LDLRAD4: variants seen among roughly 807,000 people sequenced by gnomAD.
LDLRAD4 encodes low-density lipoprotein receptor class A domain-containing protein 4.
In LDLRAD4, 5 loss-of-function variants were observed where a neutral mutation model predicts 17.0. That is an observed-to-expected ratio of 0.29 (90% CI 0.15 to 0.62). The LOEUF (loss-of-function observed/expected upper bound fraction) is 0.62, where lower values mean the gene tolerates loss of function less well. Among genes scored for constraint, LDLRAD4 ranks in the 20% least tolerant of loss-of-function variants. The pLI is 0.84. For missense variants in LDLRAD4, 340 were observed against 424.7 expected, an observed-to-expected ratio of 0.80 and a Z score of 1.75; for synonymous variants, 168 against 171.8, an observed-to-expected ratio of 0.98 and a Z score of 0.17.
intron 1 of LDLRAD4, among the ~76,000 whole-genome samples, chr18:13,228,703 T>TA (rs1040640719): frequency 2.0e-5 from 3 of 152,178 alleles, no homozygotes; most frequent in African/African-American, 7.2e-5. Context: ...AAAAAAATGT[T>TA]AAAAAATTGT....
chr18:13,390,656 CAAA>C (rs57932704), intron 2 of LDLRAD4, among the ~76,000 whole-genome samples: 9 of 144,928 alleles, frequency 6.2e-5, no homozygotes, highest in African/African-American at 2.0e-4. Context: ...GGTCATGTCT[CAAA>C]AAAAAAAAAT....
chr18:13,552,439 A>G (rs925965115), intron 3 of LDLRAD4, among the ~76,000 whole-genome samples: 1 of 152,170 alleles, frequency 6.6e-6, no homozygotes, highest in Non-Finnish European at 1.5e-5. Flanking sequence ...ACAGTGCACT[A>G]TCTCTAGACC....
chr18:13,465,628 A>G (rs1030165372), intron 3 of LDLRAD4, among the ~76,000 whole-genome samples: 6 of 152,206 alleles, frequency 3.9e-5, no homozygotes, highest in African/African-American at 1.4e-4. Context: ...CACAACACCT[A>G]CAAACCATAC....
chr18:13,389,364 T>C (rs944601168), intron 2 of LDLRAD4, among the ~76,000 whole-genome samples: 1 of 151,722 alleles, frequency 6.6e-6, no homozygotes, highest in Non-Finnish European at 1.5e-5. Flanking sequence ...AGCTCCCTCG[T>C]GGATACCCCT....
Position 13,286,858 on chromosome 18 carries a change from C to T in LDLRAD4, c.-383+8670C>T, listed in dbSNP as rs1003817678. ...AGAAGAGGCCTGGGGTGGAGGGATC[C>T]GTGCGCCGATTGTGTTGGTAGCTGG... On this transcript the variant is annotated intron_variant, in intron 1 of 5. Transcript: ENST00000359446. 3.9e-5 allele frequency among the ~76,000 whole-genome samples: 6 copies of T among 152,052 alleles called. No homozygotes were observed. In the East Asian group the frequency reaches 7.7e-4, roughly 20 times the overall value.
Position 13,639,658 on chromosome 18 carries a change from C to T in LDLRAD4, c.337-3701C>T, listed in dbSNP as rs542903198. On this transcript the variant is annotated intron_variant, in intron 4 of 5. Transcript: ENST00000359446. ...CACAGAGCTGGAATGCCAGCCTTCT[C>T]GGGTTTTGGCCTCAAGCTCTTCCAC... Among the ~76,000 whole-genome samples, 5 of 152,262 alleles carry T rather than the reference C, an allele frequency of 3.3e-5. No homozygotes were observed. In the East Asian group the frequency reaches 9.6e-4, roughly 29 times the overall value.
At chr18:13,381,679 C>CA in intron 1 of LDLRAD4, among the ~76,000 whole-genome samples, 1 of 152,340 alleles carries the variant, frequency 6.6e-6, no homozygotes, top group East Asian at 1.9e-4. Flanking sequence ...CTGAGGCACT[C>CA]ACATGGAGAC....
Position 13,480,835 on chromosome 18 carries a change from A to T in LDLRAD4, c.181+42451A>T, listed in dbSNP as rs1356916372. 3.3e-5 allele frequency among the ~76,000 whole-genome samples: 5 copies of T among 152,248 alleles called. No individual in the cohort carries two copies. In the East Asian group the frequency reaches 5.8e-4, roughly 18 times the overall value. ...ATGTTAGAAATAAGTGACCTGGAGT[A>T]GGAAGTGGAAGGTCATCCAGCCTCA... On this transcript the variant is annotated intron_variant, in intron 3 of 5. Coordinates refer to ENST00000359446, the Ensembl canonical transcript of LDLRAD4.
chr18:13,438,409 G>A lies in LDLRAD4; in HGVS notation c.181+25G>A, dbSNP rs767297877. 3.7e-6 allele frequency: 6 copies of A among 1,609,646 alleles called. No homozygotes were observed. The South Asian group carries it at 6.6e-5, about 18-fold the overall frequency. On this transcript the variant is annotated intron_variant, in intron 3 of 5. Transcript: ENST00000359446. The stretch of plus-strand genomic sequence containing the variant: ...TGTAAGTCTCTCCTCCCACCTGGGT[G>A]GCACTGTCTGATGTGGTTCTGAAAC...
intron 3 of LDLRAD4, among the ~76,000 whole-genome samples, chr18:13,532,847 C>T (rs924695101): frequency 3.3e-5 from 5 of 152,180 alleles, no homozygotes; most frequent in Admixed American, 1.3e-4. Context: ...CCTGGCCCTG[C>T]GCCTTCCGTC....
In LDLRAD4 at chr18:13,616,980, A is replaced by G. The variant is rs80215181; in HGVS notation, c.182-4137A>G. ...GATGCACCTGCCACGGCTGGGCATG[A>G]CTCATATTTGGAGCCTCAGGGCAAC... On this transcript the variant is annotated intron_variant, in intron 3 of 5. Coordinates refer to ENST00000359446, the Ensembl canonical transcript of LDLRAD4. Among the ~76,000 whole-genome samples the G allele has an allele frequency of 1.0e-3, 153 of 152,218 alleles. 3 individuals are homozygous for G. In the East Asian group the frequency reaches 0.021, roughly 21 times the overall value.
intron 3 of LDLRAD4, among the ~76,000 whole-genome samples, chr18:13,478,982 A>G (rs1422186583): frequency 6.6e-6 from 1 of 152,266 alleles, no homozygotes; most frequent in Non-Finnish European, 1.5e-5. Context: ...AATATGGCCT[A>G]TGAATCTTGA....
At chr18:13,590,620 A>G (rs1022490051) in intron 3 of LDLRAD4, among the ~76,000 whole-genome samples, 2 of 152,140 alleles carry the variant, frequency 1.3e-5, no homozygotes, top group African/African-American at 4.8e-5. Flanking sequence ...AAACAATTTA[A>G]CCCAAAACCA....
chr18:13,437,098 T>C (rs1162610186), intron 2 of LDLRAD4, among the ~76,000 whole-genome samples: 1 of 152,254 alleles, frequency 6.6e-6, no homozygotes, highest in East Asian at 1.9e-4. Flanking sequence ...GAAGAGGCCT[T>C]GGTGTGCCGA....
At chr18:13,579,786 A>G (rs776017489) in intron 3 of LDLRAD4, among the ~76,000 whole-genome samples, 2 of 152,198 alleles carry the variant, frequency 1.3e-5, no homozygotes, top group African/African-American at 2.4e-5. Context: ...CATTTGCGGT[A>G]TTCTTTTTCC....
chr18:13,316,706 C>T (rs1305038212), intron 1 of LDLRAD4, among the ~76,000 whole-genome samples: 1 of 152,128 alleles, frequency 6.6e-6, no homozygotes, highest in African/African-American at 2.4e-5. Context: ...TGTTGGAGAA[C>T]TAATTTCTCT....
intron 3 of LDLRAD4, among the ~76,000 whole-genome samples, chr18:13,481,239 A>T (rs2093074439): frequency 6.6e-6 from 1 of 152,072 alleles, no homozygotes; most frequent in African/African-American, 2.4e-5. Flanking sequence ...CTGCTTTGAG[A>T]GGTTGCCTAG....
chr18:13,369,396 G>T (rs1315766339), intron 1 of LDLRAD4, among the ~76,000 whole-genome samples: 1 of 152,160 alleles, frequency 6.6e-6, no homozygotes, highest in Non-Finnish European at 1.5e-5. Context: ...GAGCCTGGGG[G>T]CCTGTTGGCC....
intron 3 of LDLRAD4, among the ~76,000 whole-genome samples, chr18:13,449,387 C>T (rs1367293521): frequency 6.6e-6 from 1 of 152,210 alleles, no homozygotes; most frequent in Non-Finnish European, 1.5e-5. Flanking sequence ...TGGGCATCAG[C>T]ACTTCTCCTG....
Sources: gnomAD v4.1 joint callset for allele counts (sites outside exome capture counted in the v4.1 genomes callset) on GRCh38, gnomAD v4.1.1 for gene constraint, MANE v1.5 for transcripts, NCBI Gene and HGNC (gene_info 2026-07-23, HGNC 2026-07-21) for gene names.